SLC8A1: variants seen among roughly 807,000 people sequenced by gnomAD.
SLC8A1 encodes the protein sodium/calcium exchanger 1.
SLC8A1 carries 18 observed loss-of-function variants against 68.3 expected under a neutral mutation model. The ratio of observed to expected loss-of-function variants is 0.26; its 90% CI spans 0.18 to 0.39. SLC8A1 has a LOEUF of 0.39. Among genes scored for constraint, SLC8A1 ranks in the 10% least tolerant of loss-of-function variants. The pLI, the probability that SLC8A1 is intolerant of heterozygous loss-of-function variation, is 1.00. For missense variants in SLC8A1, 985 were observed against 1,156.7 expected (o/e 0.85, Z 2.15); for synonymous variants, 475 against 415.5 (o/e 1.14, Z -1.74).
At chr2:40,123,422 G>C (rs1255741170) in intron 7 of SLC8A1, 3 of 152,150 alleles carry the variant, frequency 2.0e-5, no homozygotes, top group African/African-American at 7.2e-5. Context: ...ACCATTAATG[G>C]AGATAATTCT....
intron 2 of SLC8A1, chr2:40,213,317 G>C (rs932419831): frequency 1.3e-5 from 2 of 152,116 alleles, no homozygotes; most frequent in African/African-American, 2.4e-5. Flanking sequence ...GCCTTTTCTA[G>C]ACTGGATATA....
chr2:40,247,926 T>G (rs2062114048), intron 2 of SLC8A1, among the ~76,000 whole-genome samples: 1 of 152,208 alleles, frequency 6.6e-6, no homozygotes, highest in Non-Finnish European at 1.5e-5. Context: ...AATAAACTTA[T>G]GTCAGCTATA....
exon 8 of SLC8A1, chr2:40,100,677 G>GT (rs1231000246): frequency 2.0e-5 from 3 of 152,154 alleles, no homozygotes; most frequent in Non-Finnish European, 4.4e-5. Context: ...TGGTAATCAG[G>GT]TGTGAGTGAG....
Position 40,502,228 on chromosome 2 carries a change from T to C in SLC8A1, c.-25+10121A>G, listed in dbSNP as rs115224519. On this transcript the variant is annotated intron_variant, in intron 1 of 7. Transcript: ENST00000402441. ...GTACTCATTGCTACATGGTTTATTTTCCCAATTTAGCTTCCCTTTCCTCAT... is the reference window on the plus strand; with the variant it reads ...GTACTCATTGCTACATGGTTTATTTCCCCAATTTAGCTTCCCTTTCCTCAT... 5.2e-3 allele frequency among the ~76,000 whole-genome samples: 788 copies of C among 152,192 alleles called. 9 individuals carry two copies. The highest frequency in any genetic ancestry group is 0.018 in the African/African-American group (740 of 41,546).
chr2:40,474,394 T>C (rs1338097770), intron 1 of SLC8A1, among the ~76,000 whole-genome samples: 4 of 152,206 alleles, frequency 2.6e-5, no homozygotes, highest in East Asian at 1.9e-4. Context: ...AAAACATAAA[T>C]GGTTTCTCAG....
chr2:40,143,246 T>A (rs1194922014), intron 6 of SLC8A1, among the ~76,000 whole-genome samples: 4 of 152,216 alleles, frequency 2.6e-5, no homozygotes, highest in African/African-American at 9.6e-5. Context: ...AATATCATGT[T>A]CATCCATCAC....
chr2:40,242,483 G>C (rs182987736), intron 2 of SLC8A1, among the ~76,000 whole-genome samples: 1 of 152,140 alleles, frequency 6.6e-6, no homozygotes, highest in African/African-American at 2.4e-5. Context: ...GAGCAGACAA[G>C]GGTATAATTA....
intron 2 of SLC8A1, among the ~76,000 whole-genome samples, chr2:40,238,539 A>C (rs1046771490): frequency 6.6e-6 from 1 of 152,118 alleles, no homozygotes; most frequent in Non-Finnish European, 1.5e-5. Flanking sequence ...AGTACCTCAG[A>C]TGGAAATGCA....
Position 40,417,627 on chromosome 2 carries a change from G to C in SLC8A1, c.1808+10846C>G, listed in dbSNP as rs1694269937. 2.6e-5 allele frequency among the ~76,000 whole-genome samples: 4 copies of C among 152,012 alleles called. No homozygotes were observed. In the South Asian group the frequency reaches 6.2e-4, roughly 24 times the overall value. On this transcript the variant is annotated intron_variant, in intron 2 of 7. Transcript: ENST00000406785. The stretch of plus-strand genomic sequence containing the variant: ...CGGCTCAAGTGATCTTCCCACCTCA[G>C]CCTCCTTAGTAGCTGAGACCACAGG...
chr2:40,443,246 A>G (rs936870934), intron 1 of SLC8A1, among the ~76,000 whole-genome samples: 3 of 152,208 alleles, frequency 2.0e-5, no homozygotes, highest in African/African-American at 7.2e-5. Context: ...CACTCTGCAC[A>G]TATATCCCAG....
intron 1 of SLC8A1, among the ~76,000 whole-genome samples, chr2:40,475,805 A>G (rs1292902975): frequency 6.6e-6 from 1 of 152,132 alleles, no homozygotes; most frequent in Non-Finnish European, 1.5e-5. Flanking sequence ...TAGGAAAAAA[A>G]ATGAAATAAA....
intron 2 of SLC8A1, among the ~76,000 whole-genome samples, chr2:40,225,330 A>T (rs1429888522): frequency 6.6e-6 from 1 of 152,198 alleles, no homozygotes; most frequent in Admixed American, 6.5e-5. Context: ...TTTAATTTGA[A>T]TATTCAATAA....
At chr2:40,390,707 G>GT (rs991527850) in intron 2 of SLC8A1, among the ~76,000 whole-genome samples, 16 of 151,958 alleles carry the variant, frequency 1.1e-4, no homozygotes, top group African/African-American at 2.2e-4. Context: ...CTTCTGCCAT[G>GT]TTTTTTTTAA....
chr2:40,458,351 T>C (rs1173960024), intron 1 of SLC8A1, among the ~76,000 whole-genome samples: 6 of 152,080 alleles, frequency 3.9e-5, no homozygotes, highest in Admixed American at 3.9e-4. Flanking sequence ...TCCAGTCCAT[T>C]ACTATGGGGC....
intron 2 of SLC8A1, among the ~76,000 whole-genome samples, chr2:40,347,085 T>C (rs1476463627): frequency 5.3e-5 from 8 of 152,044 alleles, no homozygotes; most frequent in Admixed American, 5.2e-4. Context: ...GTATAGAAGG[T>C]TGGTGTGTCT....
intron 7 of SLC8A1, among the ~76,000 whole-genome samples, chr2:40,136,723 A>G (rs969019776): frequency 2.0e-5 from 3 of 152,208 alleles, no homozygotes; most frequent in Admixed American, 6.5e-5. Context: ...CATTTTTCTT[A>G]GGAGTCAGGA....
chr2:40,470,183 A>T (rs566668456), intron 1 of SLC8A1, among the ~76,000 whole-genome samples: 5 of 152,236 alleles, frequency 3.3e-5, no homozygotes, highest in South Asian at 4.1e-4. Context: ...GGATAACAGC[A>T]TTAAAACTCA....
chr2:40,378,693 G>A (rs1680742643), intron 2 of SLC8A1, among the ~76,000 whole-genome samples: 1 of 152,080 alleles, frequency 6.6e-6, no homozygotes, highest in Non-Finnish European at 1.5e-5. Flanking sequence ...GAATGAGTCA[G>A]ACACATGGAG....
At chr2:40,369,611 C>A (rs1183226623) in intron 2 of SLC8A1, among the ~76,000 whole-genome samples, 1 of 152,096 alleles carries the variant, frequency 6.6e-6, no homozygotes, top group African/African-American at 2.4e-5. Flanking sequence ...TTAGCCAGCT[C>A]TAATGTCCTG....
Sources: gnomAD v4.1 joint callset for allele counts (sites outside exome capture counted in the v4.1 genomes callset) on GRCh38, gnomAD v4.1.1 for gene constraint, MANE v1.5 for transcripts, NCBI Gene and HGNC (gene_info 2026-07-23, HGNC 2026-07-21) for gene names.